Variants in PALM2AKAP2 observed in about 807,000 individuals in gnomAD.
The protein encoded by PALM2AKAP2 is PALM2-AKAP2 fusion protein.
Under a neutral mutation model 71.5 loss-of-function variants are expected in PALM2AKAP2, and 37 were observed. The observed-to-expected ratio is 0.52, with a 90% CI of 0.40 to 0.68. The LOEUF (loss-of-function observed/expected upper bound fraction) is 0.68, where lower values mean the gene tolerates loss of function less well. PALM2AKAP2 is among the 30% of genes least tolerant of loss of function. The pLI is 0.00. For missense variants in PALM2AKAP2, 1,224 were observed against 1,191.8 expected (o/e 1.03, Z -0.40); for synonymous variants, 468 against 478.8 (o/e 0.98, Z 0.29).
At chr9:109,789,295 T>G (rs1234262614) in intron 1 of PALM2AKAP2, among the ~76,000 whole-genome samples, 4 of 152,256 alleles carry the variant, frequency 2.6e-5, no homozygotes, top group African/African-American at 7.2e-5. Context: ...CCATCAAGCC[T>G]GGTGGCCCCT....
intron 2 of PALM2AKAP2, among the ~76,000 whole-genome samples, chr9:110,149,047 G>A (rs1264389516): frequency 2.6e-5 from 4 of 152,200 alleles, no homozygotes; most frequent in South Asian, 4.1e-4. Context: ...AGCACGGCTC[G>A]CCACAGATGC....
chr9:110,096,105 T>C (rs1834829537), intron 1 of PALM2AKAP2, among the ~76,000 whole-genome samples: 1 of 152,206 alleles, frequency 6.6e-6, no homozygotes, highest in African/African-American at 2.4e-5. Flanking sequence ...GACCAATTTA[T>C]TATTACTGTT....
intron 6 of PALM2AKAP2, among the ~76,000 whole-genome samples, chr9:109,996,799 A>G (rs1358645140): frequency 2.6e-5 from 4 of 152,220 alleles, no homozygotes; most frequent in Non-Finnish European, 5.9e-5. Flanking sequence ...GGGTGTGTGC[A>G]TGGGCTGTGC....
chr9:109,946,225 T>G (rs1051655490), intron 6 of PALM2AKAP2: 3 of 152,222 alleles, frequency 2.0e-5, no homozygotes, highest in African/African-American at 7.2e-5. Flanking sequence ...ACATGCTGCC[T>G]TTCCTGCTGC....
chr9:109,750,445 G>A (rs75080481), intron 1 of PALM2AKAP2, among the ~76,000 whole-genome samples: 5 of 152,130 alleles, frequency 3.3e-5, no homozygotes, highest in Non-Finnish European at 7.4e-5. Flanking sequence ...AGGAAAAAAA[G>A]TTCTGCTACC....
chr9:109,643,651 C>G (rs1451253815), intron 1 of PALM2AKAP2, among the ~76,000 whole-genome samples: 1 of 152,204 alleles, frequency 6.6e-6, no homozygotes, highest in Non-Finnish European at 1.5e-5. Flanking sequence ...CAATTAGCCT[C>G]CTTCTCCCTA....
chr9:110,116,792 G>A (rs1281439811), intron 1 of PALM2AKAP2, among the ~76,000 whole-genome samples: 1 of 152,248 alleles, frequency 6.6e-6, no homozygotes, highest in African/African-American at 2.4e-5. Context: ...CAGCTGTGTA[G>A]AGTGAGAGTA....
chr9:109,843,179 G>A (rs1323368530), intron 1 of PALM2AKAP2, among the ~76,000 whole-genome samples: 5 of 144,018 alleles, frequency 3.5e-5, no homozygotes, highest in Non-Finnish European at 6.0e-5. Flanking sequence ...TTAGCTGGAT[G>A]CTTGTAGTCT....
upstream of PALM2AKAP2, among the ~76,000 whole-genome samples, chr9:110,045,670 C>T (rs1392187850): frequency 6.6e-6 from 1 of 152,116 alleles, no homozygotes; most frequent in African/African-American, 2.4e-5. Context: ...CGTGTTCAAG[C>T]GATTCTCCTG....
chr9:109,820,787 G>A (rs1432258828), intron 1 of PALM2AKAP2, among the ~76,000 whole-genome samples: 4 of 152,222 alleles, frequency 2.6e-5, no homozygotes, highest in African/African-American at 7.2e-5. Flanking sequence ...AGGCACTGGA[G>A]TGGATATGAC....
intron 6 of PALM2AKAP2, among the ~76,000 whole-genome samples, chr9:109,980,154 A>G (rs1274970934): frequency 1.3e-5 from 2 of 152,152 alleles, no homozygotes; most frequent in Non-Finnish European, 2.9e-5. Flanking sequence ...CTCAAGTTCC[A>G]GGAGCTTTGC....
At chr9:110,028,920 G>T (rs773066661) in intron 7 of PALM2AKAP2, among the ~76,000 whole-genome samples, 6 of 147,934 alleles carry the variant, frequency 4.1e-5, no homozygotes, top group Non-Finnish European at 6.0e-5. Context: ...TGTCCTTTGG[G>T]ATTATTTGTG....
At chr9:110,033,829 G>A (rs760775025) in intron 7 of PALM2AKAP2, among the ~76,000 whole-genome samples, 8 of 152,204 alleles carry the variant, frequency 5.3e-5, no homozygotes, top group Non-Finnish European at 1.0e-4. Flanking sequence ...GACTGGCACA[G>A]ATGAATACAA....
At chr9:109,751,981 A>G (rs1175259796) in intron 1 of PALM2AKAP2, among the ~76,000 whole-genome samples, 1 of 152,182 alleles carries the variant, frequency 6.6e-6, no homozygotes, top group Non-Finnish European at 1.5e-5. Flanking sequence ...AAAGTCATAA[A>G]GATAACTAAG....
chr9:110,054,573 T>C (rs542579535), intron 1 of PALM2AKAP2, among the ~76,000 whole-genome samples: 1 of 152,296 alleles, frequency 6.6e-6, no homozygotes, highest in East Asian at 1.9e-4. Context: ...AAATTAATTA[T>C]TTTTATTATT....
chr9:110,167,478 T>TG (rs58261759), intron 3 of PALM2AKAP2, among the ~76,000 whole-genome samples: 1 of 151,930 alleles, frequency 6.6e-6, no homozygotes, highest in African/African-American at 2.4e-5. Flanking sequence ...TGGAATCTCT[T>TG]CTTGATCAAA....
chr9:109,650,870 C>G lies in PALM2AKAP2; in HGVS notation c.5+10004C>G, dbSNP rs538921748. ...GTTTCTACGAAAATAATATTAGTAA[C>G]TACCAAATGTCATTGTTATTAACAA... On this transcript the variant is annotated intron_variant, in intron 1 of 6. Transcript: ENST00000374531. 2.6e-5 allele frequency among the ~76,000 whole-genome samples: 4 copies of G among 152,252 alleles called. 1 individual carries two copies. The highest frequency in any genetic ancestry group is 9.6e-5 in the African/African-American group (4 of 41,540).
intron 1 of PALM2AKAP2, among the ~76,000 whole-genome samples, chr9:110,098,694 A>G (rs1176933147): frequency 6.6e-6 from 1 of 152,192 alleles, no homozygotes; most frequent in Non-Finnish European, 1.5e-5. Flanking sequence ...GAAGATCGCA[A>G]TCCAGATTGG....
At chr9:110,092,613 A>G (rs1834739063) in intron 1 of PALM2AKAP2, among the ~76,000 whole-genome samples, 1 of 152,172 alleles carries the variant, frequency 6.6e-6, no homozygotes, top group Non-Finnish European at 1.5e-5. Context: ...CTGTAGAAGG[A>G]CTGTAATCTG....
Sources: allele counts gnomAD v4.1 joint callset (sites outside exome capture counted in the v4.1 genomes callset), GRCh38; gene constraint gnomAD v4.1.1; transcripts MANE v1.5; gene names NCBI Gene and HGNC (gene_info 2026-07-23, HGNC 2026-07-21).